The following GPC5 variants were observed in gnomAD, a reference collection of about 807,000 sequenced individuals.
GPC5 encodes the protein glypican-5.
A neutral mutation model predicts 53.9 loss-of-function variants in GPC5; 47 were observed. That is an observed-to-expected ratio of 0.87 (90% CI 0.69 to 1.11). GPC5 has a LOEUF of 1.11. Ranked by LOEUF, GPC5 falls within the 50% of genes most tolerant of loss-of-function variation. The pLI is 0.00. For missense variants in GPC5, 748 were observed against 713.1 expected, an observed-to-expected ratio of 1.05 and a Z score of -0.56; for synonymous variants, 286 against 263.3, an observed-to-expected ratio of 1.09 and a Z score of -0.84.
At chr13:92,037,121 T>C (rs1445658512) in intron 6 of GPC5, among the ~76,000 whole-genome samples, 1 of 152,196 alleles carries the variant, frequency 6.6e-6, no homozygotes. Flanking sequence ...TAAGGACTTT[T>C]ATATTCTGTC....
chr13:92,406,000 G>T (rs1875781831), intron 7 of GPC5, among the ~76,000 whole-genome samples: 1 of 152,140 alleles, frequency 6.6e-6, no homozygotes, highest in South Asian at 2.1e-4. Context: ...TATTTATATA[G>T]ATTATGACTA....
intron 7 of GPC5, among the ~76,000 whole-genome samples, chr13:92,521,824 A>C (rs1220332106): frequency 6.6e-6 from 1 of 152,192 alleles, no homozygotes; most frequent in Non-Finnish European, 1.5e-5. Context: ...AGAAACTACC[A>C]TCAGAGTGAA....
chr13:91,572,828 A>G (rs1487782526), intron 2 of GPC5, among the ~76,000 whole-genome samples: 5 of 152,062 alleles, frequency 3.3e-5, no homozygotes, highest in African/African-American at 1.2e-4. Flanking sequence ...TTCTAACACA[A>G]AGTTTAAATA....
chr13:91,713,898 G>T (rs2036280192), intron 3 of GPC5, among the ~76,000 whole-genome samples: 1 of 152,106 alleles, frequency 6.6e-6, no homozygotes, highest in African/African-American at 2.4e-5. Context: ...CTTGCTTGGA[G>T]ATGATTGCAG....
chr13:91,584,571 T>C (rs2032488568), intron 2 of GPC5, among the ~76,000 whole-genome samples: 1 of 152,010 alleles, frequency 6.6e-6, no homozygotes, highest in Admixed American at 6.6e-5. Flanking sequence ...TGGACTATAT[T>C]AAAACCAAGA....
At chr13:91,566,591 A>AG (rs2031541593) in intron 2 of GPC5, among the ~76,000 whole-genome samples, 1 of 151,962 alleles carries the variant, frequency 6.6e-6, no homozygotes, top group Admixed American at 6.6e-5. Context: ...TTTCTGAACT[A>AG]TTTCCCAGAT....
chr13:92,516,791 G>A (rs1413192), intron 7 of GPC5, among the ~76,000 whole-genome samples: 1 of 152,130 alleles, frequency 6.6e-6, no homozygotes, highest in South Asian at 2.1e-4. Context: ...TCCAACTGAG[G>A]TACCAGGTTC....
chr13:92,698,128 G>A lies in GPC5; in HGVS notation c.1562-168154G>A, dbSNP rs140723637. 2.4e-3 allele frequency among the ~76,000 whole-genome samples: 364 copies of A among 152,076 alleles called. 2 individuals carry two copies. Among genetic ancestry groups the A allele is most frequent in the African/African-American group, 7.3e-3 (305 of 41,504 alleles). On this transcript the variant is annotated intron_variant, in intron 7 of 7. Coordinates refer to ENST00000377067, the MANE Select transcript of GPC5 (RefSeq NM_004466.6). ...GTATTTTATTGAGGACTTTCACATC[G>A]ATGTTCATCAGGGATATTGGCCTGA...
intron 7 of GPC5, among the ~76,000 whole-genome samples, chr13:92,463,091 T>C (rs1878559778): frequency 6.6e-6 from 1 of 152,078 alleles, no homozygotes; most frequent in Non-Finnish European, 1.5e-5. Flanking sequence ...ATTCAGAGAA[T>C]AGAGGGGGCA....
intron 6 of GPC5, among the ~76,000 whole-genome samples, chr13:92,123,335 A>C (rs1240575546): frequency 6.6e-6 from 1 of 152,146 alleles, no homozygotes; most frequent in African/African-American, 2.4e-5. Context: ...TGCAGCCTGG[A>C]AAACATTCAC....
intron 7 of GPC5, among the ~76,000 whole-genome samples, chr13:92,364,316 T>C (rs2043591177): frequency 6.6e-6 from 1 of 151,298 alleles, no homozygotes; most frequent in Admixed American, 6.6e-5. Flanking sequence ...CCAGCTATCA[T>C]AAGGTGTGAA....
intron 7 of GPC5, among the ~76,000 whole-genome samples, chr13:92,534,369 G>T (rs983945645): frequency 2.6e-5 from 4 of 152,156 alleles, no homozygotes; most frequent in Non-Finnish European, 5.9e-5. Flanking sequence ...CACCTTGGAA[G>T]AATATACTTC....
At chr13:91,647,122 A>G (rs57140832) in intron 2 of GPC5, among the ~76,000 whole-genome samples, 9,827 of 150,338 alleles carry the variant, frequency 0.065, 1,086 homozygotes, top group African/African-American at 0.23. Flanking sequence ...TGAAATACAT[A>G]CCTATGGCAT....
chr13:92,325,591 G>T (rs1475214764), intron 7 of GPC5, among the ~76,000 whole-genome samples: 1 of 151,916 alleles, frequency 6.6e-6, no homozygotes, highest in Non-Finnish European at 1.5e-5. Flanking sequence ...GGAAGCATAG[G>T]GTATGTCCTT....
At chr13:92,349,359 G>C (rs1054119838) in intron 7 of GPC5, among the ~76,000 whole-genome samples, 1 of 151,820 alleles carries the variant, frequency 6.6e-6, no homozygotes, top group Non-Finnish European at 1.5e-5. Flanking sequence ...TGGTCAGGCT[G>C]GTCTTGAACT....
rs188055196 is a variant in GPC5 at position 92,084,632 on chromosome 13, C to T, written c.1402-60198C>T. 2.2e-3 allele frequency among the ~76,000 whole-genome samples: 328 copies of T among 152,236 alleles called. 3 individuals are homozygous for T. The highest frequency in any genetic ancestry group is 3.5e-3 in the Non-Finnish European group (236 of 68,020). On this transcript the variant is annotated intron_variant, in intron 6 of 7. Transcript: ENST00000377067. ...GTGAGGTAAGTTACTTAATTCAAGC[C>T]CCATGTCCTCATCTGTAAATGCAGA...
At chr13:92,141,588 T>C (rs191705802) in intron 6 of GPC5, among the ~76,000 whole-genome samples, 2 of 152,232 alleles carry the variant, frequency 1.3e-5, no homozygotes, top group African/African-American at 4.8e-5. Flanking sequence ...ATTTGAGGGT[T>C]AGAGAGTGTA....
At chr13:92,163,948 G>C (rs980575470) in intron 7 of GPC5, among the ~76,000 whole-genome samples, 1 of 152,138 alleles carries the variant, frequency 6.6e-6, no homozygotes, top group African/African-American at 2.4e-5. Context: ...GGTGGCAGGA[G>C]AGAATGAGAG....
At chr13:92,127,156 C>A (rs1032537377) in intron 6 of GPC5, among the ~76,000 whole-genome samples, 1 of 151,904 alleles carries the variant, frequency 6.6e-6, no homozygotes, top group Non-Finnish European at 1.5e-5. Flanking sequence ...AGCGAAAAAC[C>A]AGTGTGTTAC....
Sources: gnomAD v4.1 joint callset for allele counts (sites outside exome capture counted in the v4.1 genomes callset) on GRCh38, gnomAD v4.1.1 for gene constraint, MANE v1.5 for transcripts, NCBI Gene and HGNC (gene_info 2026-07-23, HGNC 2026-07-21) for gene names.